MED13L: variants seen among roughly 807,000 people sequenced by gnomAD.
MED13L encodes mediator complex subunit 13L.
MED13L carries 7 observed loss-of-function variants against 220.9 expected under a neutral mutation model. That is an observed-to-expected ratio of 0.03 (90% CI 0.02 to 0.06). The LOEUF is 0.06. Ranked by LOEUF, MED13L falls within the 10% of genes least tolerant of loss-of-function variation. The pLI is 1.00. For missense variants in MED13L, 1,965 were observed against 2,760.5 expected (o/e 0.71, Z 6.46); for synonymous variants, 1,011 against 1,015.2 (o/e 1.00, Z 0.08).
intron 1 of MED13L, chr12:116,276,308 TTGTGTGTGTGTGTGTG>T (rs372521434): frequency 1.9e-3 from 422 of 224,886 alleles, no homozygotes; most frequent in Non-Finnish European, 2.4e-3. Context: ...CTTGTTGCTT[TTGTGTGTGTGTGTGTG>T]TGTGTGTGTG....
rs770206314 is a variant in MED13L, at chr12:115,975,625, G to A, written c.5478C>T (p.Leu1826=). The A allele has an allele frequency of 1.9e-6, 3 of 1,614,122 alleles. No homozygotes were observed. Among genetic ancestry groups the A allele is most frequent in the East Asian group, 2.2e-5 (1 of 44,872 alleles). The change falls in exon 24 of 31, where the codon CTC becomes CTT. Residue 1826 remains leucine (L), a synonymous_variant. Coordinates refer to ENST00000281928, the MANE Select transcript of MED13L (RefSeq NM_015335.5). ...CGTGAGACAGACAATAGCCCACGAA[G>A]AGCACATTGTATTTCTGGCTCGCCT... ...FGEASQKYNV[L]FVGYCLSHDQ... is the part of the protein sequence containing the mutation.
chr12:116,124,839 T>C (rs1666986030), intron 2 of MED13L, among the ~76,000 whole-genome samples: 1 of 152,184 alleles, frequency 6.6e-6, no homozygotes, highest in Admixed American at 6.5e-5. Flanking sequence ...ACAAATGCAA[T>C]CTTCTGTTGG....
chr12:116,091,454 T>C (rs182233082), intron 4 of MED13L, among the ~76,000 whole-genome samples: 11 of 152,324 alleles, frequency 7.2e-5, no homozygotes, highest in African/African-American at 2.4e-4. Flanking sequence ...GGTCTTTCAA[T>C]TTAACATTCC....
At chr12:116,095,972 T>A (rs961380365) in intron 4 of MED13L, among the ~76,000 whole-genome samples, 3 of 152,150 alleles carry the variant, frequency 2.0e-5, no homozygotes, top group Non-Finnish European at 4.4e-5. Context: ...GATGTGTTGA[T>A]CTTCTTTAAG....
intron 1 of MED13L, among the ~76,000 whole-genome samples, chr12:116,266,490 T>C (rs1451097274): frequency 1.3e-5 from 2 of 152,156 alleles, no homozygotes; most frequent in African/African-American, 4.8e-5. Flanking sequence ...ATCCTCTCCT[T>C]GGCCTAGAAG....
At chr12:116,083,756 C>T (rs1337375134) in intron 4 of MED13L, among the ~76,000 whole-genome samples, 1 of 152,154 alleles carries the variant, frequency 6.6e-6, no homozygotes, top group East Asian at 1.9e-4. Context: ...GGAAAACTGG[C>T]CCCTGTTCCT....
chr12:116,132,467 C>T (rs571271511), intron 2 of MED13L, among the ~76,000 whole-genome samples: 74 of 152,102 alleles, frequency 4.9e-4, no homozygotes, highest in South Asian at 1.5e-3. Flanking sequence ...AAAATATTAT[C>T]GGATACTACA....
rs148075048 is a variant in MED13L, at chr12:116,152,702, A to C, written c.311-41190T>G. Among the ~76,000 whole-genome samples, 256 of 152,286 alleles carry C rather than the reference A, an allele frequency of 1.7e-3. 3 individuals are homozygous for C. Among genetic ancestry groups the C allele is most frequent in the African/African-American group, 5.9e-3 (246 of 41,556 alleles). On this transcript the variant is annotated intron_variant, in intron 2 of 30. Transcript: ENST00000281928. ...AAATTTAGGAGAAATAATTAAATGA[A>C]ATGTGAGTATTGCAGTATGATTAAT...
intron 12 of MED13L, 54 bp from the exon 13 acceptor site, chr12:116,006,047 GA>G: frequency 6.2e-7 from 1 of 1,606,732 alleles, no homozygotes; most frequent in Non-Finnish European, 8.5e-7. Context: ...AAGCGCAAAG[GA>G]GTAGGGAGAG....
At chr12:116,120,502 C>CAT (rs1874997897) in intron 2 of MED13L, among the ~76,000 whole-genome samples, 1 of 149,170 alleles carries the variant, frequency 6.7e-6, no homozygotes, top group South Asian at 2.1e-4. Flanking sequence ...CACACACACA[C>CAT]ACACACACAC....
At chr12:116,159,574 A>G (rs924722334) in intron 2 of MED13L, among the ~76,000 whole-genome samples, 6 of 152,176 alleles carry the variant, frequency 3.9e-5, no homozygotes, top group Non-Finnish European at 7.3e-5. Flanking sequence ...TATACTTTCA[A>G]CTTACATTTT....
intron 2 of MED13L, among the ~76,000 whole-genome samples, chr12:116,211,126 G>A (rs188818618): frequency 1.3e-5 from 2 of 152,288 alleles, no homozygotes; most frequent in East Asian, 3.9e-4. Context: ...TCTGCTCAAT[G>A]ATCTTCTGTT....
chr12:116,157,408 A>G (rs561358335), intron 2 of MED13L, among the ~76,000 whole-genome samples: 23 of 152,278 alleles, frequency 1.5e-4, no homozygotes, highest in African/African-American at 4.8e-4. Context: ...TATGTATCTG[A>G]AAAACAGAAC....
chr12:116,201,353 T>G (rs1008275615), intron 2 of MED13L, among the ~76,000 whole-genome samples: 1 of 151,964 alleles, frequency 6.6e-6, no homozygotes. Flanking sequence ...TAATAATAAA[T>G]GAAGAAACCC....
chr12:116,163,464 A>G (rs1394040508), intron 2 of MED13L, among the ~76,000 whole-genome samples: 3 of 151,502 alleles, frequency 2.0e-5, no homozygotes, highest in African/African-American at 7.3e-5. Flanking sequence ...TCCCAGATTC[A>G]AGTGATTCTC....
chr12:115,980,744 A>G lies in MED13L; in HGVS notation c.5364+6T>C. 1 of 1,613,930 alleles carries G rather than the reference A, an allele frequency of 6.2e-7. No homozygotes were observed. Among genetic ancestry groups the G allele is most frequent in the South Asian group, 1.1e-5 (1 of 91,078 alleles). ...TTTTCTAAGTTTCTGTCCTGCCAAT[A>G]CCTACCTCAGGGTTCTTGAGGGTCA... is the stretch of plus-strand genomic sequence containing the variant. On this transcript the variant is annotated splice_donor_region_variant and intron_variant, in intron 23 of 30. Coordinates refer to ENST00000281928, the MANE Select transcript of MED13L (RefSeq NM_015335.5).
intron 4 of MED13L, among the ~76,000 whole-genome samples, chr12:116,031,588 T>TC (rs1251969814): frequency 2.0e-5 from 2 of 101,200 alleles, no homozygotes; most frequent in Non-Finnish European, 3.5e-5. Flanking sequence ...CGAGACTCTG[T>TC]CCAAAAAAAG....
chr12:116,239,257 T>C (rs1244333103), intron 1 of MED13L, among the ~76,000 whole-genome samples: 1 of 152,220 alleles, frequency 6.6e-6, no homozygotes, highest in Non-Finnish European at 1.5e-5. Context: ...AAATTTTTAA[T>C]GAATATGTTT....
chr12:116,222,028 C>G (rs1868490570), intron 2 of MED13L, among the ~76,000 whole-genome samples: 1 of 152,058 alleles, frequency 6.6e-6, no homozygotes, highest in South Asian at 2.1e-4. Context: ...TGGAAAACAA[C>G]TCAAATTTTA....
Sources: allele counts gnomAD v4.1 joint callset (sites outside exome capture counted in the v4.1 genomes callset), GRCh38; gene constraint gnomAD v4.1.1; transcripts MANE v1.5; gene names NCBI Gene and HGNC (gene_info 2026-07-23, HGNC 2026-07-21).